Variants in TBL1X observed in about 807,000 individuals in gnomAD.
TBL1X encodes the protein transducin beta like 1 X-linked, also known as F-box-like/WD repeat-containing protein TBL1X.
TBL1X carries 10 observed loss-of-function variants against 50.7 expected under a neutral mutation model. The observed-to-expected ratio is 0.20, with a 90% CI of 0.12 to 0.33. The LOEUF is 0.33. Among genes scored for constraint, TBL1X ranks in the 10% least tolerant of loss-of-function variants. The probability of loss-of-function intolerance (pLI) is 1.00; values close to 1 mark genes in which losing one functional copy is unlikely to be tolerated. For synonymous variants in TBL1X, 190 were observed against 214.7 expected, an observed-to-expected ratio of 0.88 and a Z score of 1.01; for missense variants, 340 against 504.4, an observed-to-expected ratio of 0.67 and a Z score of 3.12.
At chrX:9,683,745 A>G (rs2083039568) in intron 5 of TBL1X, among the ~76,000 whole-genome samples, 1 of 111,325 alleles carries the variant, frequency 9.0e-6, no homozygotes, top group Non-Finnish European at 1.9e-5. Flanking sequence ...CATGCAGGGC[A>G]AACTATTGTC....
chrX:9,492,091 T>TCTTTAA (rs1255846737), intron 1 of TBL1X, among the ~76,000 whole-genome samples: 1 of 111,817 alleles, frequency 8.9e-6, no homozygotes, highest in East Asian at 2.8e-4. Context: ...ATGAAATACT[T>TCTTTAA]CTTTAAGGGG....
At chrX:9,713,191 G>A (rs1377037614) in intron 16 of TBL1X, among the ~76,000 whole-genome samples, 8 of 110,931 alleles carry the variant, frequency 7.2e-5, no homozygotes, top group African/African-American at 6.6e-5. Flanking sequence ...CCAACCCGAC[G>A]CCAAGCCCAG....
In TBL1X at chrX:9,678,601, T is replaced by G. The variant is rs149760085; in HGVS notation, c.212-5442T>G. Among the ~76,000 whole-genome samples, 1,028 of 112,892 alleles carry G rather than the reference T, an allele frequency of 9.1e-3. 7 individuals are homozygous for G. Among genetic ancestry groups the G allele is most frequent in the Non-Finnish European group, 0.014 (772 of 53,381 alleles). ...ATGTTACAAATTGATACCCTTGGTA[T>G]TTGTTTTAGCTGAAGATGCAAAACC... On this transcript the variant is annotated intron_variant, in intron 5 of 17. Coordinates refer to ENST00000645353, the MANE Select transcript of TBL1X (RefSeq NM_005647.4).
intron 11 of TBL1X, 121 bp from the exon 12 acceptor site, chrX:9,697,248 A>G (rs1569102579): frequency 1.2e-5 from 11 of 905,862 alleles, no homozygotes; most frequent in Admixed American, 6.1e-5. Context: ...CTCACTCTCT[A>G]TCTCTATTGG....
At chrX:9,632,214 T>C (rs2082724930) in intron 2 of TBL1X, among the ~76,000 whole-genome samples, 2 of 111,962 alleles carry the variant, frequency 1.8e-5, no homozygotes, top group Non-Finnish European at 3.8e-5. Flanking sequence ...GTTTTGAATC[T>C]GTTTTACTTT....
At chrX:9,561,061 C>G (rs1022378328) in intron 2 of TBL1X, among the ~76,000 whole-genome samples, 1 of 111,817 alleles carries the variant, frequency 8.9e-6, no homozygotes, top group Non-Finnish European at 1.9e-5. Flanking sequence ...GGCCTAAAAG[C>G]TTGGAGCCAG....
chrX:9,665,116 C>T (rs2082919593), intron 5 of TBL1X, among the ~76,000 whole-genome samples: 1 of 109,721 alleles, frequency 9.1e-6, no homozygotes, highest in South Asian at 4.0e-4. Context: ...TTTTGATTCC[C>T]TTACCTGCAG....
At chrX:9,504,640 A>T (rs1455256053) in intron 2 of TBL1X, among the ~76,000 whole-genome samples, 2 of 112,508 alleles carry the variant, frequency 1.8e-5, no homozygotes, top group Non-Finnish European at 3.8e-5. Flanking sequence ...ACAGCACGAG[A>T]ACTTTGTGAA....
chrX:9,711,076 T>A (rs1359213065), intron 15 of TBL1X, among the ~76,000 whole-genome samples: 2 of 111,772 alleles, frequency 1.8e-5, no homozygotes, highest in African/African-American at 6.5e-5. Context: ...GCGCAGTGGC[T>A]TACACCTGTA....
At chrX:9,566,237 C>A (rs2082350781) in intron 2 of TBL1X, among the ~76,000 whole-genome samples, 1 of 111,970 alleles carries the variant, frequency 8.9e-6, no homozygotes, top group South Asian at 3.7e-4. Context: ...CCACTGGATG[C>A]CAGTGGCATT....
intron 5 of TBL1X, among the ~76,000 whole-genome samples, chrX:9,668,462 T>C (rs1313153421): frequency 8.9e-6 from 1 of 112,121 alleles, no homozygotes; most frequent in Non-Finnish European, 1.9e-5. Context: ...CAAGAAAATG[T>C]TTTCTTTTTA....
chrX:9,638,576 A>G (rs1294038893), intron 2 of TBL1X, among the ~76,000 whole-genome samples: 1 of 112,402 alleles, frequency 8.9e-6, no homozygotes, highest in Non-Finnish European at 1.9e-5. Flanking sequence ...CATATATAAG[A>G]GATAATCTCA....
At chrX:9,517,379 C>CAGGA (rs1237807400) in intron 2 of TBL1X, among the ~76,000 whole-genome samples, 2 of 111,234 alleles carry the variant, frequency 1.8e-5, no homozygotes, top group Non-Finnish European at 3.8e-5. Context: ...GAGGCCCAGG[C>CAGGA]AGGAGCATAA....
chrX:9,467,219 G>A (rs753709093), intron 1 of TBL1X, among the ~76,000 whole-genome samples: 2 of 111,889 alleles, frequency 1.8e-5, no homozygotes, highest in South Asian at 7.5e-4. Context: ...ACAGAGGCGG[G>A]AAAATGGTCC....
At chrX:9,585,344 C>CA (rs1249079627) in intron 2 of TBL1X, among the ~76,000 whole-genome samples, 1 of 92,023 alleles carries the variant, frequency 1.1e-5, no homozygotes, top group Non-Finnish European at 2.2e-5. Flanking sequence ...CTCCCCTCCC[C>CA]CCCCCGCCAC....
intron 7 of TBL1X, among the ~76,000 whole-genome samples, chrX:9,689,508 A>G (rs943272395): frequency 8.9e-6 from 1 of 111,929 alleles, no homozygotes; most frequent in African/African-American, 3.2e-5. Flanking sequence ...AAGGTCCACA[A>G]TTGTGGGGCA....
chrX:9,635,203 T>A (rs1221876781), intron 2 of TBL1X, among the ~76,000 whole-genome samples: 1 of 110,643 alleles, frequency 9.0e-6, no homozygotes. Flanking sequence ...TGATTCTGTT[T>A]TATCAAGAGA....
intron 2 of TBL1X, among the ~76,000 whole-genome samples, chrX:9,601,003 AC>A (rs2082553849): frequency 8.9e-6 from 1 of 111,979 alleles, no homozygotes; most frequent in African/African-American, 3.2e-5. Context: ...TGCTCTGGGG[AC>A]CACTGGAATT....
At chrX:9,670,394 C>CT (rs1443786305) in intron 5 of TBL1X, among the ~76,000 whole-genome samples, 1 of 111,172 alleles carries the variant, frequency 9.0e-6, no homozygotes, top group Non-Finnish European at 1.9e-5. Flanking sequence ...GCTCACCAAA[C>CT]TATCTTTAAA....
Sources: gnomAD v4.1 joint callset for allele counts (sites outside exome capture counted in the v4.1 genomes callset) on GRCh38, gnomAD v4.1.1 for gene constraint, MANE v1.5 for transcripts, NCBI Gene and HGNC (gene_info 2026-07-23, HGNC 2026-07-21) for gene names.